PALS2: variants seen among roughly 807,000 people sequenced by gnomAD.
PALS2 encodes the protein protein associated with LIN7 2, MAGUK p55 family member, also known as protein PALS2.
In PALS2, 27 loss-of-function variants were observed where a neutral mutation model predicts 61.6. That is an observed-to-expected ratio of 0.44 (90% confidence interval 0.32 to 0.60). The LOEUF (loss-of-function observed/expected upper bound fraction) is 0.60. Among genes scored for constraint, PALS2 ranks in the 20% least tolerant of loss-of-function variants. The pLI is 0.05. For missense variants in PALS2, 554 were observed against 639.4 expected (o/e 0.87, Z 1.44); for synonymous variants, 236 against 218.6 (o/e 1.08, Z -0.70).
intron 11 of PALS2, among the ~76,000 whole-genome samples, chr7:24,683,373 C>G (rs1788032045): frequency 6.6e-6 from 1 of 152,136 alleles, no homozygotes; most frequent in African/African-American, 2.4e-5. Context: ...AGGTGACCAG[C>G]TGAGATTGGC....
chr7:24,655,870 G>A (rs1002256307), intron 5 of PALS2, among the ~76,000 whole-genome samples: 5 of 151,896 alleles, frequency 3.3e-5, no homozygotes, highest in African/African-American at 1.2e-4. Flanking sequence ...TTTGGCTGAG[G>A]CTTCAATTTG....
intron 3 of PALS2, among the ~76,000 whole-genome samples, chr7:24,649,013 A>C (rs1347245678): frequency 1.3e-5 from 2 of 152,104 alleles, no homozygotes; most frequent in Non-Finnish European, 2.9e-5. Flanking sequence ...TATATTCGGG[A>C]CTATTACTGA....
intron 1 of PALS2, among the ~76,000 whole-genome samples, chr7:24,592,790 T>G (rs116370250): frequency 0.02 from 3,028 of 152,198 alleles, 113 homozygotes; most frequent in African/African-American, 0.07. Context: ...AAAAATACTT[T>G]AAAGCTTAAA....
At chr7:24,646,387 C>A (rs1056049608) in intron 3 of PALS2, among the ~76,000 whole-genome samples, 1 of 152,012 alleles carries the variant, frequency 6.6e-6, no homozygotes, top group Non-Finnish European at 1.5e-5. Flanking sequence ...TATTGGAAGC[C>A]TTTTCTGCTC....
At chr7:24,669,626 C>T (rs1372428209) in intron 9 of PALS2, among the ~76,000 whole-genome samples, 1 of 152,080 alleles carries the variant, frequency 6.6e-6, no homozygotes, top group African/African-American at 2.4e-5. Context: ...TAACTTTAAC[C>T]CTATCTCTTT....
chr7:24,635,695 A>G (rs989714044), intron 2 of PALS2, among the ~76,000 whole-genome samples: 7 of 152,156 alleles, frequency 4.6e-5, no homozygotes, highest in African/African-American at 4.8e-5. Context: ...CTGCTATCCT[A>G]TACCTTGATT....
At chr7:24,649,819 G>T (rs371636837) in intron 4 of PALS2, 55 bp downstream of exon 4, 2 of 1,416,958 alleles carry the variant, frequency 1.4e-6, no homozygotes, top group Non-Finnish European at 1.9e-6. Context: ...ATAATTTGTG[G>T]TTCAGTCACT....
chr7:24,676,208 T>A (rs1231970606), intron 9 of PALS2, among the ~76,000 whole-genome samples: 1 of 147,432 alleles, frequency 6.8e-6, no homozygotes, highest in Non-Finnish European at 1.5e-5. Context: ...CTTCGCCCAC[T>A]TTTTGATGGG....
intron 9 of PALS2, chr7:24,674,462 G>A (rs1217163472): frequency 6.5e-6 from 1 of 152,912 alleles, no homozygotes; most frequent in East Asian, 1.9e-4. Flanking sequence ...AATTATCAAG[G>A]GCTTAAAGCC....
chr7:24,658,759 G>T (rs191880704), intron 5 of PALS2, among the ~76,000 whole-genome samples: 1 of 151,502 alleles, frequency 6.6e-6, no homozygotes, highest in African/African-American at 2.4e-5. Context: ...GTTTCATCAC[G>T]TTGGCCAGGA....
At chr7:24,634,883 C>T (rs1785166258) in intron 2 of PALS2, among the ~76,000 whole-genome samples, 1 of 152,116 alleles carries the variant, frequency 6.6e-6, no homozygotes, top group African/African-American at 2.4e-5. Flanking sequence ...CAACAGTTGG[C>T]CACTGACATG....
At chr7:24,603,528 A>G (rs975015594) in intron 1 of PALS2, among the ~76,000 whole-genome samples, 4 of 152,230 alleles carry the variant, frequency 2.6e-5, no homozygotes, top group Non-Finnish European at 4.4e-5. Context: ...GTGAAAGCTG[A>G]TGGGGACTTG....
chr7:24,655,433 C>T lies in PALS2; in HGVS notation c.651+4721C>T, dbSNP rs570681926. Reference sequence around the variant, plus strand: ...GTGAAGTGTGCCTTGGTTGGGGAAACCGAATGATGGGATGGGATGGAATGA... The same window carrying T: ...GTGAAGTGTGCCTTGGTTGGGGAAATCGAATGATGGGATGGGATGGAATGA... On this transcript the variant is annotated intron_variant, in intron 5 of 11. Transcript: ENST00000222644. Among the ~76,000 whole-genome samples, 21 of 152,012 alleles carry T rather than the reference C, an allele frequency of 1.4e-4. No individual in the cohort carries two copies. In the South Asian group the frequency reaches 3.7e-3, roughly 27 times the overall value.
chr7:24,607,879 T>C (rs1449737941), intron 1 of PALS2, among the ~76,000 whole-genome samples: 1 of 152,098 alleles, frequency 6.6e-6, no homozygotes, highest in Non-Finnish European at 1.5e-5. Flanking sequence ...ACAATTGCAT[T>C]CATGTAAATA....
Position 24,663,667 on chromosome 7 carries a change from T to G in PALS2, c.729T>G (p.Phe243Leu). The G allele has an allele frequency of 6.2e-7, 1 of 1,607,780 alleles. No homozygotes were observed. Among genetic ancestry groups the G allele is most frequent in the South Asian group, 1.1e-5 (1 of 90,880 alleles). The change falls in exon 6 of 12, where the codon TTT (phenylalanine) becomes TTG (leucine). Residue 243 changes from phenylalanine to leucine, a missense_variant. Phe to Leu is a conservative substitution (Grantham distance 22). Coordinates refer to ENST00000222644, the MANE Select transcript of PALS2 (RefSeq NM_001303037.2). Reference sequence around the variant, plus strand: ...CTTGCAAAGAAGCAGGATTGAAGTTTTCCAAAGGAGAGATTCTTCAGATTG... The same window carrying G: ...CTTGCAAAGAAGCAGGATTGAAGTTGTCCAAAGGAGAGATTCTTCAGATTG... ...LIPCKEAGLK[F>L]SKGEILQIVN...
At chr7:24,647,781 A>G (rs1785918836) in intron 3 of PALS2, among the ~76,000 whole-genome samples, 1 of 152,146 alleles carries the variant, frequency 6.6e-6, no homozygotes, top group Non-Finnish European at 1.5e-5. Flanking sequence ...TTTAAATAGC[A>G]TTGTGGATCT....
At chr7:24,635,937 C>T (rs759988367) in intron 2 of PALS2, among the ~76,000 whole-genome samples, 3 of 152,042 alleles carry the variant, frequency 2.0e-5, no homozygotes, top group African/African-American at 7.2e-5. Flanking sequence ...TAAGGCCAGG[C>T]GCGGTGGCTC....
At chr7:24,621,729 A>T (rs1487551978) in intron 1 of PALS2, among the ~76,000 whole-genome samples, 2 of 152,030 alleles carry the variant, frequency 1.3e-5, no homozygotes, top group African/African-American at 4.8e-5. Flanking sequence ...TTAGTACTAC[A>T]ATCTGACTTT....
chr7:24,582,540 GA>G (rs1458048399), intron 1 of PALS2, among the ~76,000 whole-genome samples: 1 of 151,014 alleles, frequency 6.6e-6, no homozygotes, highest in African/African-American at 2.4e-5. Context: ...AAGAAACATT[GA>G]TTTTTTTTTC....
Sources: gnomAD v4.1 joint callset for allele counts (sites outside exome capture counted in the v4.1 genomes callset) on GRCh38, gnomAD v4.1.1 for gene constraint, MANE v1.5 for transcripts, NCBI Gene and HGNC (gene_info 2026-07-23, HGNC 2026-07-21) for gene names.